The following CNGA1 variants were observed in gnomAD, a reference collection of about 807,000 sequenced individuals.
CNGA1 encodes the protein cyclic nucleotide-gated channel alpha-1.
CNGA1 carries 53 observed loss-of-function variants against 69.7 expected under a neutral mutation model. The ratio of observed to expected loss-of-function variants is 0.76; its 90% CI spans 0.61 to 0.96. The LOEUF (loss-of-function observed/expected upper bound fraction) is 0.96, where lower values mean the gene tolerates loss of function less well. Ranked by LOEUF, CNGA1 falls within the 40% of genes least tolerant of loss-of-function variation. The pLI is 0.00. For missense variants in CNGA1, 739 were observed against 811.2 expected (o/e 0.91, Z 1.08); for synonymous variants, 249 against 283.5 (o/e 0.88, Z 1.22).
At chr4:47,972,897 G>A (rs1250055358) in intron 3 of CNGA1, among the ~76,000 whole-genome samples, 2 of 152,020 alleles carry the variant, frequency 1.3e-5, no homozygotes, top group Non-Finnish European at 1.5e-5. Flanking sequence ...TTACTAACCT[G>A]TAAATCCTGT....
At chr4:47,996,238 G>C (rs774587618) in intron 2 of CNGA1, among the ~76,000 whole-genome samples, 6 of 152,174 alleles carry the variant, frequency 3.9e-5, no homozygotes, top group Non-Finnish European at 8.8e-5. Flanking sequence ...CTCTTAGGGA[G>C]TAAGTCCTCC....
In CNGA1 at chr4:47,937,162, G is replaced by T; in HGVS notation, c.1320C>A (p.Asn440Lys). 6.2e-7 allele frequency: 1 copy of T among 1,613,908 alleles called. No homozygotes were observed. Among genetic ancestry groups the T allele is most frequent in the Non-Finnish European group, 8.5e-7 (1 of 1,179,954 alleles). ...CTTCTTTCTCATCAACTGTTTTTTT[G>T]TTGGTCCACAGGTAGTCAAACCATT... is the stretch of plus-strand genomic sequence containing the variant. ...VIKWFDYLWT[N>K]KKTVDEKEVL... The change falls in exon 11 of 11, where the codon AAC becomes AAA. Residue 440 changes from asparagine to lysine, a missense_variant. By Grantham distance (94) the Asn-to-Lys change is moderately conservative. Coordinates refer to ENST00000514170, the MANE Select transcript of CNGA1 (RefSeq NM_001379270.1).
chr4:47,988,777 A>C (rs963735058), intron 2 of CNGA1, among the ~76,000 whole-genome samples: 14 of 152,150 alleles, frequency 9.2e-5, no homozygotes, highest in Non-Finnish European at 1.6e-4. Flanking sequence ...TTCAGTGTAC[A>C]TTTATTTAGT....
Position 47,936,231 on chromosome 4 carries a change from G to C in CNGA1, c.*190C>G. 1.6e-6 allele frequency: 1 copy of C among 620,880 alleles called. No homozygotes were observed. Among genetic ancestry groups the C allele is most frequent in the Non-Finnish European group, 2.8e-6 (1 of 355,110 alleles). 38.5% of individuals were successfully genotyped at this position (620,880 alleles called of 1,614,324 possible). A position where few individuals can be genotyped will look rare whatever the true frequency, so the allele number is the denominator to read the frequency against. On this transcript the variant is annotated 3_prime_UTR_variant, in exon 11 of 11. Coordinates refer to ENST00000514170, the MANE Select transcript of CNGA1 (RefSeq NM_001379270.1). ...CATTATCAGTTGTGAAAAATCCCAA[G>C]ATATAAAGCTTTTTTAATCATAGTA...
Position 48,016,675 on chromosome 4 carries a change from T to A in CNGA1, c.-415A>T. Reference sequence around the variant, plus strand: ...CAAGCCCCGGGCAGCAGGGCTCGGCTGGCGCTGAGGCCCCGCCTGGCCATG... The same window carrying A: ...CAAGCCCCGGGCAGCAGGGCTCGGCAGGCGCTGAGGCCCCGCCTGGCCATG... On this transcript the variant is annotated 5_prime_UTR_variant, in exon 1 of 11. Coordinates refer to ENST00000514170, the MANE Select transcript of CNGA1 (RefSeq NM_001379270.1). The A allele has an allele frequency of 1.6e-6, 1 of 606,352 alleles. No homozygotes were observed. Among genetic ancestry groups the A allele is most frequent in the Non-Finnish European group, 2.7e-6 (1 of 364,134 alleles). 37.6% of individuals were successfully genotyped at this position (606,352 alleles called of 1,614,324 possible).
At chr4:47,968,811 A>G (rs571408812) in intron 3 of CNGA1, among the ~76,000 whole-genome samples, 2 of 152,292 alleles carry the variant, frequency 1.3e-5, no homozygotes, top group Admixed American at 6.5e-5. Context: ...AAGGCTTCCT[A>G]TTCTAGGCAA....
intron 2 of CNGA1, among the ~76,000 whole-genome samples, chr4:47,989,478 T>A (rs2110231343): frequency 6.6e-6 from 1 of 152,108 alleles, no homozygotes; most frequent in Non-Finnish European, 1.5e-5. Flanking sequence ...CATTCTACGG[T>A]AACTGAAATT....
chr4:47,998,693 G>A (rs533174865), intron 2 of CNGA1, among the ~76,000 whole-genome samples: 4 of 152,130 alleles, frequency 2.6e-5, no homozygotes, highest in East Asian at 1.9e-4. Flanking sequence ...CAAGAGAATC[G>A]CTTGAACCTC....
chr4:47,987,478 T>G (rs1742024848), intron 2 of CNGA1, among the ~76,000 whole-genome samples: 1 of 152,214 alleles, frequency 6.6e-6, no homozygotes, highest in Non-Finnish European at 1.5e-5. Flanking sequence ...GTGTCTATGT[T>G]GCCCATTACT....
At chr4:47,964,517 TATAA>T (rs1218137911) in intron 3 of CNGA1, among the ~76,000 whole-genome samples, 1 of 152,052 alleles carries the variant, frequency 6.6e-6, no homozygotes, top group Non-Finnish European at 1.5e-5. Context: ...TATAATTATT[TATAA>T]ATATTTTCCC....
intron 6 of CNGA1, among the ~76,000 whole-genome samples, chr4:47,944,522 T>A (rs1739277444): frequency 6.6e-6 from 1 of 152,044 alleles, no homozygotes; most frequent in Admixed American, 6.6e-5. Context: ...AAGGTAATGG[T>A]CCACACAAAA....
chr4:47,996,898 G>A (rs566213980), intron 2 of CNGA1, among the ~76,000 whole-genome samples: 13 of 151,964 alleles, frequency 8.6e-5, no homozygotes, highest in Non-Finnish European at 1.6e-4. Flanking sequence ...GCATCCCTAC[G>A]AAAATTTAAA....
chr4:48,009,850 T>A (rs753673603), intron 2 of CNGA1, among the ~76,000 whole-genome samples: 3 of 152,226 alleles, frequency 2.0e-5, no homozygotes, highest in African/African-American at 2.4e-5. Context: ...CCCTTTTTTT[T>A]AAGAAGGTAT....
In CNGA1 at chr4:47,936,223, A is replaced by C; in HGVS notation, c.*198T>G. On this transcript the variant is annotated 3_prime_UTR_variant, in exon 11 of 11. Coordinates refer to ENST00000514170, the MANE Select transcript of CNGA1 (RefSeq NM_001379270.1). Reference sequence around the variant, plus strand: ...TCTTTGCACATTATCAGTTGTGAAAAATCCCAAGATATAAAGCTTTTTTAA... The same window carrying C: ...TCTTTGCACATTATCAGTTGTGAAACATCCCAAGATATAAAGCTTTTTTAA... 1.6e-6 allele frequency: 1 copy of C among 613,576 alleles called. No individual in the cohort carries two copies. Among genetic ancestry groups the C allele is most frequent in the African/African-American group, 1.8e-5 (1 of 54,134 alleles). 38.0% of individuals were successfully genotyped at this position (613,576 alleles called of 1,614,324 possible).
At chr4:47,952,215 A>C (rs1339160867) in intron 4 of CNGA1, among the ~76,000 whole-genome samples, 1 of 151,704 alleles carries the variant, frequency 6.6e-6, no homozygotes, top group Non-Finnish European at 1.5e-5. Flanking sequence ...ATACAAAAAA[A>C]AAATTAGCCT....
intron 5 of CNGA1, 94 bp from the exon 6 acceptor site, chr4:47,949,989 C>T: frequency 1.1e-6 from 1 of 946,450 alleles, no homozygotes; most frequent in Non-Finnish European, 1.7e-6. Context: ...AATTCTTCTC[C>T]ATTTCTACTC....
intron 10 of CNGA1, among the ~76,000 whole-genome samples, chr4:47,939,030 AAG>A (rs1215814171): frequency 6.6e-6 from 1 of 151,644 alleles, no homozygotes; most frequent in South Asian, 2.1e-4. Flanking sequence ...GAAAGAAAGA[AAG>A]AGAAAGAAAG....
intron 3 of CNGA1, among the ~76,000 whole-genome samples, chr4:47,957,760 C>T (rs1740174684): frequency 6.6e-6 from 1 of 152,090 alleles, no homozygotes; most frequent in Non-Finnish European, 1.5e-5. Flanking sequence ...AAAAGATCTC[C>T]CACCAGATAT....
chr4:47,966,632 A>G (rs1017179091), intron 3 of CNGA1, among the ~76,000 whole-genome samples: 1 of 152,188 alleles, frequency 6.6e-6, no homozygotes, highest in Non-Finnish European at 1.5e-5. Flanking sequence ...TCTGAATGCC[A>G]CAAGTGGGAG....
Sources: gnomAD v4.1 joint callset for allele counts (sites outside exome capture counted in the v4.1 genomes callset) on GRCh38, gnomAD v4.1.1 for gene constraint, MANE v1.5 for transcripts, NCBI Gene and HGNC (gene_info 2026-07-23, HGNC 2026-07-21) for gene names.